Variants in ELAVL4 observed in about 807,000 individuals in gnomAD.
ELAVL4 encodes ELAV like RNA binding protein 4, also known as ELAV-like protein 4.
ELAVL4 carries 1 observed loss-of-function variant against 35.6 expected under a neutral mutation model. That is an observed-to-expected ratio of 0.03 (90% CI 0.01 to 0.13). The LOEUF is 0.13. ELAVL4 is among the 10% of genes least tolerant of loss of function. The probability of loss-of-function intolerance (pLI) is 1.00; values close to 1 mark genes in which losing one functional copy is unlikely to be tolerated. For synonymous variants in ELAVL4, 156 were observed against 171.0 expected (o/e 0.91, Z 0.69); for missense variants, 267 against 464.9 (o/e 0.57, Z 3.91).
intron 1 of ELAVL4, among the ~76,000 whole-genome samples, chr1:50,135,640 A>G (rs931099214): frequency 3.3e-5 from 5 of 152,170 alleles, no homozygotes; most frequent in Admixed American, 3.3e-4. Context: ...TGTTTTAAGG[A>G]TATGCTGAGA....
At chr1:50,085,785 C>T (rs1665213067) in intron 1 of ELAVL4, among the ~76,000 whole-genome samples, 1 of 152,170 alleles carries the variant, frequency 6.6e-6, no homozygotes, top group African/African-American at 2.4e-5. Context: ...AATACTTTAT[C>T]CTCTGAGACT....
intron 1 of ELAVL4, among the ~76,000 whole-genome samples, chr1:50,091,129 G>A (rs1351253629): frequency 6.6e-6 from 1 of 152,168 alleles, no homozygotes; most frequent in Non-Finnish European, 1.5e-5. Flanking sequence ...AATTTCCGGT[G>A]ACTTAAACTG....
At chr1:50,164,984 A>G (rs958261932) in intron 2 of ELAVL4, among the ~76,000 whole-genome samples, 8 of 152,218 alleles carry the variant, frequency 5.3e-5, no homozygotes, top group African/African-American at 1.4e-4. Flanking sequence ...CTCCCAGTCT[A>G]GCGGGGAACA....
At chr1:50,164,211 C>A (rs1350567618) in intron 2 of ELAVL4, among the ~76,000 whole-genome samples, 1 of 152,104 alleles carries the variant, frequency 6.6e-6, no homozygotes, top group Non-Finnish European at 1.5e-5. Context: ...AGCATTGAGT[C>A]TAAAATAAAT....
chr1:50,062,438 G>A (rs919297059), intron 1 of ELAVL4, among the ~76,000 whole-genome samples: 2 of 151,914 alleles, frequency 1.3e-5, no homozygotes, highest in African/African-American at 4.8e-5. Flanking sequence ...AAATTGAGTT[G>A]GGCATGACTA....
At chr1:50,068,761 C>T (rs1664382225) in intron 1 of ELAVL4, among the ~76,000 whole-genome samples, 1 of 152,126 alleles carries the variant, frequency 6.6e-6, no homozygotes, top group Non-Finnish European at 1.5e-5. Flanking sequence ...GTTAAGATGG[C>T]TATGGATTTA....
At chr1:50,194,049 A>G in intron 4 of ELAVL4, 131 bp downstream of exon 4, 3 of 1,206,374 alleles carry the variant, frequency 2.5e-6, no homozygotes, top group Non-Finnish European at 3.4e-6. Context: ...TTTGACTTGG[A>G]AGAAAGACTT....
chr1:50,103,799 C>T, upstream of ELAVL4: 3 of 1,002,636 alleles, frequency 3.0e-6, no homozygotes, highest in South Asian at 1.6e-5. Flanking sequence ...ACCTTCCCAC[C>T]CCATTTTGCT....
chr1:50,141,942 C>T (rs986179259), intron 1 of ELAVL4: 4 of 152,158 alleles, frequency 2.6e-5, no homozygotes, highest in African/African-American at 4.8e-5. Context: ...CTTTTTGTTT[C>T]ATTTATCATT....
intron 5 of ELAVL4, 100 bp downstream of exon 5, chr1:50,195,886 G>A: frequency 7.4e-7 from 1 of 1,352,302 alleles, no homozygotes; most frequent in East Asian, 2.4e-5. Context: ...AAGGGTAAAA[G>A]CTTCCACCCC....
chr1:50,056,929 C>CA (rs35088767), intron 1 of ELAVL4, among the ~76,000 whole-genome samples: 59,871 of 129,886 alleles, frequency 0.46, 14,515 homozygotes, highest in Non-Finnish European at 0.58. Flanking sequence ...AAGACTGTAT[C>CA]AAAAAAAAAA....
At position 50,058,641 on chromosome 1, in the gene ELAVL4, T is replaced by G. The variant is rs377584143; in HGVS notation, c.18+10459T>G. 1.3e-4 allele frequency among the ~76,000 whole-genome samples: 20 copies of G among 151,610 alleles called. 1 individual carries two copies. The highest frequency in any genetic ancestry group is 4.8e-4 in the African/African-American group (20 of 41,342). On this transcript the variant is annotated intron_variant, in intron 1 of 6. Coordinates refer to the ELAVL4 transcript ENST00000448907. Reference sequence around the variant, plus strand: ...TCCTTTTTTTTTTTTCCTGACAGTGTCTTACTCTGTCACCCAGGCTAGAGT... The same window carrying G: ...TCCTTTTTTTTTTTTCCTGACAGTGGCTTACTCTGTCACCCAGGCTAGAGT...
intron 3 of ELAVL4, chr1:50,181,420 G>C (rs971440251): frequency 6.6e-6 from 1 of 152,312 alleles, no homozygotes; most frequent in African/African-American, 2.4e-5. Context: ...TCTGTGCTAG[G>C]TCCTCGGATT....
chr1:50,060,024 G>A (rs1454191809), intron 1 of ELAVL4, among the ~76,000 whole-genome samples: 1 of 152,156 alleles, frequency 6.6e-6, no homozygotes, highest in East Asian at 1.9e-4. Flanking sequence ...TAGAGGTCAT[G>A]ATTGCACAAA....
chr1:50,175,206 T>C (rs1310435736), intron 2 of ELAVL4, among the ~76,000 whole-genome samples: 1 of 152,194 alleles, frequency 6.6e-6, no homozygotes, highest in African/African-American at 2.4e-5. Context: ...ATTTGCATGA[T>C]GAAAATGTAT....
chr1:50,077,664 T>C (rs919469314), intron 1 of ELAVL4, among the ~76,000 whole-genome samples: 35 of 152,224 alleles, frequency 2.3e-4, no homozygotes, highest in Admixed American at 6.5e-5. Flanking sequence ...ACTATCATAC[T>C]TACCCTGCTT....
In ELAVL4 at chr1:50,187,913, T is replaced by C. The variant is rs146763188; in HGVS notation, c.355-5852T>C. 1.3e-3 allele frequency among the ~76,000 whole-genome samples: 199 copies of C among 152,136 alleles called. 1 individual carries two copies. Among genetic ancestry groups the C allele is most frequent in the African/African-American group, 4.6e-3 (189 of 41,488 alleles). ...GAGTTCGAGACCAACCTGGCCAACATAGTGAAATCCCTTCTCTACTAAAAA... is the reference window on the plus strand; with the variant it reads ...GAGTTCGAGACCAACCTGGCCAACACAGTGAAATCCCTTCTCTACTAAAAA... On this transcript the variant is annotated intron_variant, in intron 3 of 6. Transcript: ENST00000371824.
chr1:50,119,030 G>GAA (rs1422094968), intron 1 of ELAVL4, among the ~76,000 whole-genome samples: 30 of 121,202 alleles, frequency 2.5e-4, no homozygotes, highest in South Asian at 2.9e-4. Flanking sequence ...AGGAAAGAAA[G>GAA]AAAGAAAAAG....
chr1:50,101,300 G>A (rs531462920), upstream of ELAVL4, among the ~76,000 whole-genome samples: 22 of 152,206 alleles, frequency 1.4e-4, no homozygotes, highest in Non-Finnish European at 3.1e-4. Flanking sequence ...AGGAAAAACG[G>A]GTAGGGTTGG....
Sources: gnomAD v4.1 joint callset for allele counts (sites outside exome capture counted in the v4.1 genomes callset) on GRCh38, gnomAD v4.1.1 for gene constraint, MANE v1.5 for transcripts, NCBI Gene and HGNC (gene_info 2026-07-23, HGNC 2026-07-21) for gene names.